TAMM41: variants seen among roughly 807,000 people sequenced by gnomAD.
TAMM41 encodes the protein TAM41 mitochondrial translocator assembly and maintenance homolog.
TAMM41 carries 36 observed loss-of-function variants against 44.1 expected under a neutral mutation model. That is an observed-to-expected ratio of 0.82 (90% CI 0.63 to 1.08). The LOEUF is 1.08. Ranked by LOEUF, TAMM41 falls within the 50% of genes least tolerant of loss-of-function variation. The pLI is 0.00. For missense variants in TAMM41, 417 were observed against 404.3 expected (o/e 1.03, Z -0.27); for synonymous variants, 164 against 153.1 (o/e 1.07, Z -0.53).
chr3:11,842,707 G>GA (rs60428671), intron 2 of TAMM41, among the ~76,000 whole-genome samples: 57,034 of 147,940 alleles, frequency 0.39, 11,684 homozygotes, highest in Middle Eastern at 0.54. Flanking sequence ...AAAAGAAAAA[G>GA]AAAAAAAAAA....
intron 7 of TAMM41, among the ~76,000 whole-genome samples, chr3:11,794,447 C>T (rs1410745589): frequency 6.6e-6 from 1 of 152,084 alleles, no homozygotes; most frequent in Non-Finnish European, 1.5e-5. Flanking sequence ...TTACATTAAG[C>T]TTACTCTTTC....
intron 4 of TAMM41, among the ~76,000 whole-genome samples, chr3:11,827,510 T>C (rs1055625851): frequency 6.6e-6 from 1 of 151,654 alleles, no homozygotes; most frequent in East Asian, 1.9e-4. Context: ...AGTTTTGCCA[T>C]GTTGGCCAGG....
intron 4 of TAMM41, among the ~76,000 whole-genome samples, chr3:11,823,400 T>G (rs1169082454): frequency 1.3e-5 from 2 of 150,994 alleles, no homozygotes; most frequent in Non-Finnish European, 3.0e-5. Flanking sequence ...GGATTACAGG[T>G]GCACACCACC....
chr3:11,726,800 C>CAA, the TAMM41 span, among the ~76,000 whole-genome samples: 4,095 of 92,950 alleles, frequency 0.044, 208 homozygotes, highest in African/African-American at 0.14. Flanking sequence ...GACTCTGTCT[C>CAA]AAAAAAAAAA....
chr3:11,841,795 G>T lies in TAMM41; in HGVS notation c.318+2234C>A, dbSNP rs144128244. ...AGCTGCAGGCAAGTAACCACTGGGAGGTAACAGAAACACCACGGGCCTGGA... is the reference window on the plus strand; with the variant it reads ...AGCTGCAGGCAAGTAACCACTGGGATGTAACAGAAACACCACGGGCCTGGA... On this transcript the variant is annotated intron_variant, in intron 2 of 7. Coordinates refer to ENST00000455809, the MANE Select transcript of TAMM41 (RefSeq NM_001284401.2). Among the ~76,000 whole-genome samples, 561 of 152,312 alleles carry T rather than the reference G, an allele frequency of 3.7e-3. 3 individuals carry two copies. Among genetic ancestry groups the T allele is most frequent in the African/African-American group, 0.013 (538 of 41,566 alleles).
At chr3:11,769,254 T>C in the TAMM41 span, among the ~76,000 whole-genome samples, 1 of 152,184 alleles carries the variant, frequency 6.6e-6, no homozygotes, top group African/African-American at 2.4e-5. Flanking sequence ...CACGCACAGC[T>C]AATTTTTGTA....
intron 7 of TAMM41, among the ~76,000 whole-genome samples, chr3:11,796,610 T>C (rs989721757): frequency 2.0e-5 from 3 of 152,186 alleles, no homozygotes; most frequent in East Asian, 1.9e-4. Context: ...AAACCAAATA[T>C]GCTAGGGTTT....
chr3:11,805,535 G>A (rs1359240161), intron 7 of TAMM41, among the ~76,000 whole-genome samples: 4 of 152,194 alleles, frequency 2.6e-5, no homozygotes, highest in African/African-American at 9.7e-5. Flanking sequence ...GCCTCCCAAA[G>A]TGCTGGGATT....
At chr3:11,727,035 A>G in the TAMM41 span, among the ~76,000 whole-genome samples, 2 of 152,144 alleles carry the variant, frequency 1.3e-5, no homozygotes, top group African/African-American at 4.8e-5. Flanking sequence ...ATCTAAAATA[A>G]TAATAATAAC....
the TAMM41 span, among the ~76,000 whole-genome samples, chr3:11,735,973 G>T: frequency 2.6e-5 from 4 of 152,134 alleles, no homozygotes; most frequent in African/African-American, 9.7e-5. Context: ...CAGAGAGGCA[G>T]GGGGTGAATA....
At chr3:11,844,334 T>C in intron 1 of TAMM41, 123 bp from the exon 2 acceptor site, 1 of 872,754 alleles carries the variant, frequency 1.1e-6, no homozygotes, top group Non-Finnish European at 1.7e-6. Flanking sequence ...GGTGCTGTCA[T>C]CAGAAATGTG....
downstream of TAMM41, among the ~76,000 whole-genome samples, chr3:11,789,880 G>A (rs1256248295): frequency 6.6e-6 from 1 of 152,142 alleles, no homozygotes; most frequent in Non-Finnish European, 1.5e-5. Context: ...GAGAAACTGG[G>A]GTACATGATT....
chr3:11,846,784 G>T lies in TAMM41; in HGVS notation c.-148C>A. 9.7e-7 allele frequency: 1 copy of T among 1,036,104 alleles called. No individual in the cohort carries two copies. 64.2% of individuals were successfully genotyped at this position (1,036,104 alleles called of 1,614,324 possible). On this transcript the variant is annotated 5_prime_UTR_variant, in exon 1 of 8. Transcript: ENST00000455809. Reference sequence around the variant, plus strand: ...GGCTGAGTGTGGGGTGGGACTGCAAGCACACGCAAGGATTGGGGCGTTGGG... The same window carrying T: ...GGCTGAGTGTGGGGTGGGACTGCAATCACACGCAAGGATTGGGGCGTTGGG...
chr3:11,725,454 C>CTCCTCCTTCTT, the TAMM41 span, among the ~76,000 whole-genome samples: 1,082 of 137,808 alleles, frequency 7.9e-3, 17 homozygotes, highest in African/African-American at 0.028. Flanking sequence ...TCCTCCTCCT[C>CTCCTCCTTCTT]CTTCTTCTTC....
At chr3:11,810,887 G>T (rs1278881038) in intron 5 of TAMM41, 1 of 150,744 alleles carries the variant, frequency 6.6e-6, no homozygotes, top group Non-Finnish European at 1.5e-5. Flanking sequence ...AAAAGAGTGA[G>T]ATATCCGGCT....
chr3:11,761,271 T>C, the TAMM41 span, among the ~76,000 whole-genome samples: 1 of 152,206 alleles, frequency 6.6e-6, no homozygotes, highest in Non-Finnish European at 1.5e-5. Flanking sequence ...TGTATCTTAT[T>C]ATCATTGATT....
intron 2 of TAMM41, among the ~76,000 whole-genome samples, chr3:11,840,160 C>A (rs2079369191): frequency 6.6e-6 from 1 of 152,118 alleles, no homozygotes; most frequent in African/African-American, 2.4e-5. Flanking sequence ...AACTGCCGAG[C>A]TTTCAGGGAG....
At chr3:11,835,505 G>A (rs1202820712) in intron 3 of TAMM41, among the ~76,000 whole-genome samples, 1 of 152,188 alleles carries the variant, frequency 6.6e-6, no homozygotes, top group Non-Finnish European at 1.5e-5. Flanking sequence ...TGCATGAAAT[G>A]AGCATGGGTG....
chr3:11,835,841 A>G (rs1349899215), intron 3 of TAMM41, among the ~76,000 whole-genome samples: 1 of 152,178 alleles, frequency 6.6e-6, no homozygotes, highest in African/African-American at 2.4e-5. Flanking sequence ...TCTACAGATG[A>G]AAACACCCCG....
Sources: gnomAD v4.1 joint callset for allele counts (sites outside exome capture counted in the v4.1 genomes callset) on GRCh38, gnomAD v4.1.1 for gene constraint, MANE v1.5 for transcripts, NCBI Gene and HGNC (gene_info 2026-07-23, HGNC 2026-07-21) for gene names.